Variants in ASB4 observed in about 807,000 individuals in gnomAD.
The protein encoded by ASB4 is ankyrin repeat and SOCS box containing 4, also known as ankyrin repeat and SOCS box protein 4.
Under a neutral mutation model 38.6 loss-of-function variants are expected in ASB4, and 35 were observed. The observed-to-expected ratio is 0.91, with a 90% CI of 0.69 to 1.20. ASB4 has a LOEUF of 1.20. Among genes scored for constraint, ASB4 ranks in the 50% most tolerant of loss-of-function variants. ASB4 has a pLI of 0.00. For missense variants in ASB4, 557 were observed against 527.2 expected, an observed-to-expected ratio of 1.06 and a Z score of -0.55; for synonymous variants, 195 against 201.3, an observed-to-expected ratio of 0.97 and a Z score of 0.26.
At chr7:95,541,771 G>A (rs918881681), downstream of ASB4, among the ~76,000 whole-genome samples, 4 of 152,204 alleles carry the variant, frequency 2.6e-5, no homozygotes, top group African/African-American at 7.2e-5. Flanking sequence ...TTCAGTGGGG[G>A]AAAGAGAAGG....
intron 2 of ASB4, among the ~76,000 whole-genome samples, chr7:95,516,983 A>T (rs1275786325): frequency 6.6e-6 from 1 of 152,104 alleles, no homozygotes; most frequent in East Asian, 1.9e-4. Flanking sequence ...AACTATATAT[A>T]ATCTGTCTCC....
chr7:95,473,804 A>T (rs1789948257), upstream of ASB4: 4 of 152,210 alleles, frequency 2.6e-5, no homozygotes, highest in Admixed American at 2.6e-4. Flanking sequence ...TCCAGGCCTG[A>T]TTTAAGCCAA....
chr7:95,516,321 T>C (rs538026563), intron 2 of ASB4, among the ~76,000 whole-genome samples: 1 of 152,292 alleles, frequency 6.6e-6, no homozygotes, highest in South Asian at 2.1e-4. Flanking sequence ...ATGGTTACTT[T>C]GCAAAATTTT....
intron 1 of ASB4, among the ~76,000 whole-genome samples, chr7:95,490,629 C>A (rs1275470537): frequency 6.6e-6 from 1 of 152,194 alleles, no homozygotes; most frequent in Non-Finnish European, 1.5e-5. Flanking sequence ...ATAACTGTTG[C>A]AGAGCCCAGG....
intron 3 of ASB4, among the ~76,000 whole-genome samples, chr7:95,534,546 C>A (rs989687077): frequency 2.0e-5 from 3 of 152,130 alleles, no homozygotes; most frequent in Non-Finnish European, 4.4e-5. Flanking sequence ...CTTCCCAGCA[C>A]TAGCCCTGAC....
At chr7:95,488,591 T>C (rs1374576229) in intron 1 of ASB4, among the ~76,000 whole-genome samples, 1 of 152,202 alleles carries the variant, frequency 6.6e-6, no homozygotes, top group Non-Finnish European at 1.5e-5. Context: ...TAGGACCCAT[T>C]TCTGTGTGGC....
chr7:95,541,327 A>G (rs1584100938), downstream of ASB4, among the ~76,000 whole-genome samples: 1 of 152,330 alleles, frequency 6.6e-6, no homozygotes, highest in East Asian at 1.9e-4. Flanking sequence ...AGACCATGAC[A>G]CTCAGTAGCA....
At chr7:95,505,135 A>G (rs745425172) in intron 2 of ASB4, among the ~76,000 whole-genome samples, 8 of 152,226 alleles carry the variant, frequency 5.3e-5, no homozygotes, top group Non-Finnish European at 1.2e-4. Context: ...AGAAAAATAC[A>G]TAATGTACGA....
chr7:95,514,021 A>C (rs146016934), intron 2 of ASB4, among the ~76,000 whole-genome samples: 1,984 of 152,314 alleles, frequency 0.013, 60 homozygotes, highest in Admixed American at 0.056. Flanking sequence ...ATTTCACTCC[A>C]GGTCAGCTGT....
chr7:95,535,929 T>C (rs1790883376), intron 3 of ASB4, among the ~76,000 whole-genome samples: 1 of 152,212 alleles, frequency 6.6e-6, no homozygotes, highest in Non-Finnish European at 1.5e-5. Flanking sequence ...ATTGAATTTT[T>C]TGATAAAATG....
In ASB4 at chr7:95,528,179, G is replaced by C; in HGVS notation, c.854G>C (p.Gly285Ala). 6.2e-7 allele frequency: 1 copy of C among 1,614,188 alleles called. No individual in the cohort carries two copies. The highest frequency in any genetic ancestry group is 8.5e-7 in the Non-Finnish European group (1 of 1,180,036). ...GAEANLMDINGCAAIQYVLKV... is the reference protein window; with the variant it reads ...GAEANLMDINACAAIQYVLKV... ...GAAGCCAATCTCATGGATATCAACGGCTGTGCTGCCATCCAGTACGTGCTG... is the reference window on the plus strand; with the variant it reads ...GAAGCCAATCTCATGGATATCAACGCCTGTGCTGCCATCCAGTACGTGCTG... Residue 285 changes from glycine (G) to alanine (A), a missense_variant, in exon 3 of 5, where the codon GGC becomes GCC. Transcript: ENST00000325885.
chr7:95,479,049 A>G (rs1790001673), intron 1 of ASB4, among the ~76,000 whole-genome samples: 1 of 152,154 alleles, frequency 6.6e-6, no homozygotes, highest in South Asian at 2.1e-4. Flanking sequence ...GCAAAATGGT[A>G]TTAATCTTTG....
chr7:95,530,732 C>T (rs1790808853), intron 3 of ASB4, among the ~76,000 whole-genome samples: 2 of 152,056 alleles, frequency 1.3e-5, no homozygotes, highest in Admixed American at 6.6e-5. Flanking sequence ...TTATACTCTG[C>T]ATGGGAGAGG....
chr7:95,494,008 T>C (rs1005596211), intron 1 of ASB4, among the ~76,000 whole-genome samples: 2 of 152,248 alleles, frequency 1.3e-5, no homozygotes, highest in Non-Finnish European at 2.9e-5. Context: ...GTTGTCAAGA[T>C]TCCTAAGTCC....
At chr7:95,480,294 G>T (rs966506522) in intron 1 of ASB4, among the ~76,000 whole-genome samples, 3 of 152,028 alleles carry the variant, frequency 2.0e-5, no homozygotes, top group African/African-American at 4.8e-5. Flanking sequence ...TGGTATAAAA[G>T]CTCCATAAAG....
chr7:95,486,435 A>T (rs1790092704), intron 1 of ASB4, among the ~76,000 whole-genome samples: 1 of 152,172 alleles, frequency 6.6e-6, no homozygotes, highest in Non-Finnish European at 1.5e-5. Context: ...TCTGTTTTTA[A>T]CTTTTCTTCT....
chr7:95,489,237 AG>A, intron 1 of ASB4, among the ~76,000 whole-genome samples: 1 of 152,246 alleles, frequency 6.6e-6, no homozygotes, highest in Non-Finnish European at 1.5e-5. Context: ...TTAGCTCATA[AG>A]CAAATATGAA....
chr7:95,493,060 C>T (rs750176602), intron 1 of ASB4, among the ~76,000 whole-genome samples: 1 of 152,184 alleles, frequency 6.6e-6, no homozygotes, highest in African/African-American at 2.4e-5. Flanking sequence ...CCAGCCCAGA[C>T]TGTCTATGAC....
chr7:95,484,377 A>G (rs1005700374), upstream of ASB4, among the ~76,000 whole-genome samples: 1 of 152,122 alleles, frequency 6.6e-6, no homozygotes, highest in Non-Finnish European at 1.5e-5. Context: ...AGAAGTTAAG[A>G]TTTATTGTTA....
Sources: gnomAD v4.1 joint callset for allele counts (sites outside exome capture counted in the v4.1 genomes callset) on GRCh38, gnomAD v4.1.1 for gene constraint, MANE v1.5 for transcripts, NCBI Gene and HGNC (gene_info 2026-07-23, HGNC 2026-07-21) for gene names.